Variants in CLUL1 observed in about 807,000 individuals in gnomAD.
CLUL1 encodes the protein clusterin-like protein 1.
In CLUL1, 43 loss-of-function variants were observed where a neutral mutation model predicts 49.4. The observed-to-expected ratio is 0.87, with a 90% CI of 0.68 to 1.12. CLUL1 has a LOEUF of 1.12. Ranked by LOEUF, CLUL1 falls within the 50% of genes most tolerant of loss-of-function variation. CLUL1 has a pLI of 0.00. For synonymous variants in CLUL1, 192 were observed against 184.9 expected (o/e 1.04, Z -0.31); for missense variants, 486 against 544.4 (o/e 0.89, Z 1.07).
rs2074431690 is a variant in CLUL1, at chr18:644,962, T to C, written c.1262T>C (p.Met421Thr). The C allele has an allele frequency of 1.4e-5, 22 of 1,613,522 alleles. No individual in the cohort carries two copies. Among genetic ancestry groups the C allele is most frequent in the Non-Finnish European group, 1.9e-5 (22 of 1,179,730 alleles). ...GNISKQDETM[M>T]TDLSILPSSN... ...ATTTCCAAACAAGATGAAACAATGA[T>C]GACAGACTTAAGCATTCTGCCTTCC... is the stretch of plus-strand genomic sequence containing the variant. Residue 421 changes from methionine to threonine, a missense_variant, in exon 9 of 10, where the codon ATG becomes ACG. Met to Thr is a moderately conservative substitution (Grantham distance 81). Coordinates refer to ENST00000692774, the MANE Select transcript of CLUL1 (RefSeq NM_001393344.1).
At chr18:601,437 G>A (rs1239697304) in intron 1 of CLUL1, among the ~76,000 whole-genome samples, 2 of 152,142 alleles carry the variant, frequency 1.3e-5, no homozygotes, top group Admixed American at 6.5e-5. Context: ...GGGATCAGGA[G>A]TTTGAGACCA....
chr18:627,191 A>G lies in CLUL1; in HGVS notation c.518A>G (p.Glu173Gly), dbSNP rs373573117. ...DLPISEKLIE[E>G]DAQLTQMEDV... is the part of the protein sequence containing the mutation. The stretch of plus-strand genomic sequence containing the variant: ...CCCATCAGTGAAAAGCTCATTGAGG[A>G]AGATGCACAATTGACCCAAATGGAG... Residue 173 changes from glutamate to glycine, a missense_variant, in exon 6 of 10, where the codon GAA becomes GGA. Physicochemically the swap from Glu to Gly is moderately conservative, Grantham distance 98. Transcript: ENST00000692774. The G allele has an allele frequency of 1.2e-6, 2 of 1,613,412 alleles. No individual in the cohort carries two copies. The highest frequency in any genetic ancestry group is 1.3e-5 in the African/African-American group (1 of 74,870).
At position 627,174 on chromosome 18, in the gene CLUL1, TG is replaced by T; in HGVS notation, c.502del (p.Glu168LysfsTer10). The T allele has an allele frequency of 6.2e-7, 1 of 1,613,304 alleles. No individual in the cohort carries two copies. Among genetic ancestry groups the T allele is most frequent in the Non-Finnish European group, 8.5e-7 (1 of 1,179,514 alleles). On this transcript the variant is annotated frameshift_variant, in exon 6 of 10. Coordinates refer to ENST00000692774, the MANE Select transcript of CLUL1 (RefSeq NM_001393344.1). LOFTEE classifies it high-confidence loss of function. ...EDNEKDLPIS[E>X]KLIEEDAQLT... ...ATAATGAAAAAGATCTCCCCATCAG[TG>T]AAAAGCTCATTGAGGAAGATGCACA... is the stretch of plus-strand genomic sequence containing the variant.
rs869103727 is a variant in CLUL1, at chr18:645,792, T to TAAAAAAAA, written c.1397+707_1397+714dup. Among the ~76,000 whole-genome samples, 73 of 16,060 alleles carry TAAAAAAAA rather than the reference T, an allele frequency of 4.5e-3. 12 individuals are homozygous for TAAAAAAAA. Among genetic ancestry groups the TAAAAAAAA allele is most frequent in the East Asian group, 0.024 (6 of 250 alleles). 10.5% of individuals were successfully genotyped at this position (16,060 alleles called of 152,430 possible). ...CTGGGCGACAGAGCGAGACTCTGTTTAAAAAAAAAAAAAAAAAAATATATA... is the reference window on the plus strand; with the variant it reads ...CTGGGCGACAGAGCGAGACTCTGTTTAAAAAAAAAAAAAAAAAAAAAAAAAAATATATA... On this transcript the variant is annotated intron_variant, in intron 9 of 9. Coordinates refer to ENST00000692774, the MANE Select transcript of CLUL1 (RefSeq NM_001393344.1).
intron 1 of CLUL1, among the ~76,000 whole-genome samples, chr18:600,698 G>A (rs1776330335): frequency 6.6e-6 from 1 of 152,182 alleles, no homozygotes; most frequent in Admixed American, 6.5e-5. Context: ...ATAGAATACT[G>A]GCAGTGAAGT....
intron 7 of CLUL1, among the ~76,000 whole-genome samples, chr18:638,237 C>G (rs1598441098): frequency 6.6e-6 from 1 of 152,166 alleles, no homozygotes; most frequent in Non-Finnish European, 1.5e-5. Context: ...AAAATAGACA[C>G]TTAATATACT....
chr18:632,527 G>C (rs1042870387), intron 6 of CLUL1, among the ~76,000 whole-genome samples: 1 of 152,086 alleles, frequency 6.6e-6, no homozygotes, highest in Admixed American at 6.6e-5. Context: ...AAGAGAAAAA[G>C]TGGTTCACAA....
At chr18:633,083 G>C (rs2144115247) in intron 6 of CLUL1, among the ~76,000 whole-genome samples, 1 of 152,248 alleles carries the variant, frequency 6.6e-6, no homozygotes, top group East Asian at 1.9e-4. Context: ...CTTGAACCCG[G>C]GAGGCAGAGG....
chr18:627,583 G>A lies in CLUL1; in HGVS notation c.856+54G>A, dbSNP rs571820677. 7.0e-5 allele frequency: 89 copies of A among 1,278,846 alleles called. No homozygotes were observed. In the South Asian group the frequency reaches 1.2e-3, roughly 18 times the overall value. The allele number at this position is 1,278,846 out of a possible 1,614,324, so 79.2% of individuals were successfully genotyped here. A position where few individuals can be genotyped will look rare whatever the true frequency, so the allele number is the denominator to read the frequency against. On this transcript the variant is annotated intron_variant, in intron 6 of 9. Coordinates refer to ENST00000692774, the MANE Select transcript of CLUL1 (RefSeq NM_001393344.1). ...GAGGTTTACACTAAAGTCAAGTTTT[G>A]TTTAGCTTCAGAAATGGTAGACATT...
At chr18:640,767 CTAA>C (rs1456007826) in intron 7 of CLUL1, among the ~76,000 whole-genome samples, 1 of 152,018 alleles carries the variant, frequency 6.6e-6, no homozygotes, top group Admixed American at 6.5e-5. Flanking sequence ...TTACTTTGTT[CTAA>C]TACTAAGCAC....
At chr18:598,102 T>C (rs1308482201) in intron 1 of CLUL1, 1 of 153,114 alleles carries the variant, frequency 6.5e-6, no homozygotes, top group Non-Finnish European at 1.5e-5. Flanking sequence ...ATTTTCAAAC[T>C]CAACATTAAT....
At chr18:626,659 G>T (rs2073709273) in intron 5 of CLUL1, among the ~76,000 whole-genome samples, 1 of 150,560 alleles carries the variant, frequency 6.6e-6, no homozygotes, top group Non-Finnish European at 1.5e-5. Flanking sequence ...AGGAGTTCGA[G>T]ACCAGCCTGG....
chr18:601,464 G>A (rs2072827146), intron 1 of CLUL1, among the ~76,000 whole-genome samples: 1 of 152,092 alleles, frequency 6.6e-6, no homozygotes, highest in South Asian at 2.1e-4. Flanking sequence ...CCAATATGGT[G>A]AATGAAGCCC....
chr18:619,417 C>T, intron 4 of CLUL1, 56 bp downstream of exon 4: 2 of 1,443,764 alleles, frequency 1.4e-6, no homozygotes, highest in Non-Finnish European at 1.9e-6. Context: ...AGAAATACTG[C>T]ACTTGTTAGT....
chr18:617,802 ATTTG>A (rs2073345747), intron 2 of CLUL1, among the ~76,000 whole-genome samples, 182 bp from the exon 3 acceptor site: 2 of 152,016 alleles, frequency 1.3e-5, no homozygotes, highest in East Asian at 1.9e-4. Context: ...AGGGACTAGA[ATTTG>A]TTTGTTTTTT....
At chr18:645,770 G>A (rs1359652594) in intron 9 of CLUL1, among the ~76,000 whole-genome samples, 1 of 111,266 alleles carries the variant, frequency 9.0e-6, no homozygotes, top group Non-Finnish European at 1.7e-5. Context: ...CTCCAGCCTG[G>A]GCGACAGAGC....
At chr18:647,332 C>T (rs1456165273) in intron 9 of CLUL1, among the ~76,000 whole-genome samples, 1 of 152,152 alleles carries the variant, frequency 6.6e-6, no homozygotes, top group Non-Finnish European at 1.5e-5. Flanking sequence ...TTCCCTGTGC[C>T]AGGGTACCTG....
chr18:601,428 G>T (rs1183330578), intron 1 of CLUL1, among the ~76,000 whole-genome samples: 2 of 151,822 alleles, frequency 1.3e-5, no homozygotes, highest in African/African-American at 4.8e-5. Context: ...GGATCCCTTG[G>T]GATCAGGAGT....
chr18:619,610 A>G (rs560024286), intron 4 of CLUL1, among the ~76,000 whole-genome samples: 1 of 152,260 alleles, frequency 6.6e-6, no homozygotes, highest in South Asian at 2.1e-4. Flanking sequence ...TGCTTTCTCA[A>G]AAATAGATTA....
Sources: allele counts gnomAD v4.1 joint callset (sites outside exome capture counted in the v4.1 genomes callset), GRCh38; gene constraint gnomAD v4.1.1; transcripts MANE v1.5; gene names NCBI Gene and HGNC (gene_info 2026-07-23, HGNC 2026-07-21).